TMPRSS6: variants seen among roughly 807,000 people sequenced by gnomAD.
The protein encoded by TMPRSS6 is transmembrane protease serine 6.
TMPRSS6 carries 67 observed loss-of-function variants against 101.5 expected under a neutral mutation model. The ratio of observed to expected loss-of-function variants is 0.66; its 90% CI spans 0.54 to 0.81. The LOEUF (loss-of-function observed/expected upper bound fraction) is 0.81, where lower values mean the gene tolerates loss of function less well. TMPRSS6 is among the 30% of genes least tolerant of loss of function. The pLI, the probability that TMPRSS6 is intolerant of heterozygous loss-of-function variation, is 0.00. For missense variants in TMPRSS6, 1,034 were observed against 1,088.7 expected, an observed-to-expected ratio of 0.95 and a Z score of 0.71; for synonymous variants, 453 against 464.9, an observed-to-expected ratio of 0.97 and a Z score of 0.33.
At chr22:37,086,209 G>T in intron 8 of TMPRSS6, 74 bp downstream of exon 8, 1 of 1,599,650 alleles carries the variant, frequency 6.3e-7, no homozygotes, top group African/African-American at 1.3e-5. Context: ...AAAAAGGTGA[G>T]CAGTGAGCCC....
chr22:37,079,508 T>C (rs995650254), intron 10 of TMPRSS6, among the ~76,000 whole-genome samples: 2 of 152,070 alleles, frequency 1.3e-5, no homozygotes, highest in Non-Finnish European at 2.9e-5. Context: ...CACACCCCCG[T>C]GCCCTTACCT....
chr22:37,093,552 A>G (rs1354883859), intron 6 of TMPRSS6, among the ~76,000 whole-genome samples: 1 of 149,560 alleles, frequency 6.7e-6, no homozygotes, highest in East Asian at 2.0e-4. Context: ...ACAGGTGCGC[A>G]CCACCATGCC....
chr22:37,086,579 T>C (rs1376894556), intron 7 of TMPRSS6, among the ~76,000 whole-genome samples, 160 bp from the exon 8 acceptor site: 1 of 151,910 alleles, frequency 6.6e-6, no homozygotes, highest in East Asian at 1.9e-4. Context: ...GTGGGGAGAA[T>C]TCTGTGTCTC....
chr22:37,096,736 A>G, intron 3 of TMPRSS6, 21 bp from the exon 4 acceptor site: 1 of 1,557,292 alleles, frequency 6.4e-7, no homozygotes, highest in Non-Finnish European at 8.7e-7. Context: ...GGAAGACAAC[A>G]GCCCCTGGGA....
At chr22:37,077,122 TC>T (rs1330091802) in intron 10 of TMPRSS6, among the ~76,000 whole-genome samples, 1 of 152,220 alleles carries the variant, frequency 6.6e-6, no homozygotes, top group African/African-American at 2.4e-5. Flanking sequence ...GGCTATGGCA[TC>T]ACAAGGCCTC....
Position 37,103,180 on chromosome 22 carries a change from C to A in TMPRSS6, c.202+36G>T, listed in dbSNP as rs1455145496. On this transcript the variant is annotated intron_variant, in intron 2 of 17. Coordinates refer to ENST00000676104, the MANE Select transcript of TMPRSS6 (RefSeq NM_001374504.1). This position sits in a 1 kb window ranked among gnomAD's most constrained non-coding sequence, Gnocchi z 4.4. ...CCTGCTACAGTCACCCCAAGTCCTC[C>A]CCAGGTGCCTCTCCCAGGCGGTCCC... is the stretch of plus-strand genomic sequence containing the variant. 1 of 1,610,298 alleles carries A rather than the reference C, an allele frequency of 6.2e-7. No homozygotes were observed. The highest frequency in any genetic ancestry group is 8.5e-7 in the Non-Finnish European group (1 of 1,177,586).
In TMPRSS6 at chr22:37,069,114, A is replaced by G. The variant is rs752954009; in HGVS notation, c.2072T>C (p.Leu691Pro). Reference protein sequence around the residue: ...PARSHFFEPGLHCWITGWGAL... With the variant: ...PARSHFFEPGPHCWITGWGAL... ...GCCCCAGCCCGTAATCCAGCAGTGC[A>G]GGCCGGGCTCGAAGAAGTGGGAGCG... Residue 691 changes from leucine to proline, a missense_variant, in exon 16 of 18, where the codon CTG becomes CCG. Transcript: ENST00000676104. The surrounding 1 kb of genome is among the most constrained non-coding windows in gnomAD (Gnocchi z 4.8). The G allele has an allele frequency of 8.3e-6, 13 of 1,560,024 alleles. No individual in the cohort carries two copies. The South Asian group carries it at 1.1e-4, about 13-fold the overall frequency.
intron 2 of TMPRSS6, among the ~76,000 whole-genome samples, chr22:37,098,765 G>A (rs947447777): frequency 2.0e-5 from 3 of 152,194 alleles, no homozygotes; most frequent in South Asian, 2.1e-4. Flanking sequence ...CAAGGTACCA[G>A]GGAGGTGAAA....
At chr22:37,078,946 AAG>A (rs1927971413) in intron 10 of TMPRSS6, among the ~76,000 whole-genome samples, 1 of 132,550 alleles carries the variant, frequency 7.5e-6, no homozygotes, top group African/African-American at 3.1e-5. Flanking sequence ...GGAGAAGGAG[AAG>A]GAGAAAAAGA....
intron 13 of TMPRSS6, among the ~76,000 whole-genome samples, chr22:37,072,796 TGATG>T (rs1301860217): frequency 2.1e-3 from 277 of 131,828 alleles, no homozygotes; most frequent in African/African-American, 6.0e-3. Context: ...GACGGATGGA[TGATG>T]GATGGATGGA....
intron 4 of TMPRSS6, 71 bp from the exon 5 acceptor site, chr22:37,096,161 T>G (rs2743825): frequency 0.42 from 652,344 of 1,560,782 alleles, 137,262 homozygotes; most frequent in African/African-American, 0.49. Context: ...CCCCTGCTCA[T>G]GCACATCGAG....
At chr22:37,073,096 G>A (rs1341329571) in intron 13 of TMPRSS6, among the ~76,000 whole-genome samples, 2 of 141,136 alleles carry the variant, frequency 1.4e-5, no homozygotes, top group African/African-American at 5.4e-5. Flanking sequence ...GACGGATGAT[G>A]GATGGATGGA....
At position 37,070,928 on chromosome 22, in the gene TMPRSS6, C is replaced by T. The variant is rs1274183096; in HGVS notation, c.1660G>A (p.Glu554Lys). 6.2e-7 allele frequency: 1 copy of T among 1,613,040 alleles called. No homozygotes were observed. The highest frequency in any genetic ancestry group is 8.5e-7 in the Non-Finnish European group (1 of 1,180,002). ...GRPDCRDGSD[E>K]EHCDCGLQGP... ...AGGCAGGGCTCACCACAGTGCTCCT[C>T]ATCCGAGCCGTCCCTGCAGTCGGGC... Residue 554 changes from glutamate to lysine, a missense_variant, in exon 14 of 18, where the codon GAG (glutamate) becomes AAG (lysine). Physicochemically the swap from Glu to Lys is moderately conservative, Grantham distance 56. Transcript: ENST00000676104.
intron 6 of TMPRSS6, among the ~76,000 whole-genome samples, chr22:37,092,842 C>T (rs1020416008): frequency 5.3e-5 from 8 of 152,248 alleles, no homozygotes; most frequent in Non-Finnish European, 2.9e-5. Flanking sequence ...CAGGATCCCC[C>T]AGTCAGGAGC....
intron 1 of TMPRSS6, among the ~76,000 whole-genome samples, chr22:37,104,520 C>T (rs1438215969): frequency 6.6e-6 from 1 of 152,224 alleles, no homozygotes; most frequent in Non-Finnish European, 1.5e-5. Flanking sequence ...CCCTTTCAAG[C>T]AAACATCCCA....
At chr22:37,095,784 T>TCTCCTGGGGGGCC in intron 5 of TMPRSS6, 122 bp downstream of exon 5, 4 of 1,368,634 alleles carry the variant, frequency 2.9e-6, no homozygotes, top group Non-Finnish European at 4.1e-6. Context: ...CCTGGGGGGC[T>TCTCCTGGGGGGCC]CTCCTGGGGG....
chr22:37,088,294 G>C (rs778133450), intron 7 of TMPRSS6, among the ~76,000 whole-genome samples: 1 of 152,186 alleles, frequency 6.6e-6, no homozygotes, highest in Admixed American at 6.5e-5. Context: ...GGAGAGAGCA[G>C]CTTGGAGAGG....
At chr22:37,110,012 C>T (rs1446753430), upstream of TMPRSS6, among the ~76,000 whole-genome samples, 6 of 151,908 alleles carry the variant, frequency 3.9e-5, no homozygotes, top group Non-Finnish European at 8.8e-5. Flanking sequence ...AGCTGCTGGC[C>T]TGAGAGAGAG....
chr22:37,083,353 T>A (rs1601542621), intron 10 of TMPRSS6, among the ~76,000 whole-genome samples: 1 of 152,116 alleles, frequency 6.6e-6, no homozygotes, highest in Admixed American at 6.6e-5. Flanking sequence ...GGCCTCCCTC[T>A]CCCCTTGCCC....
Sources: allele counts gnomAD v4.1 joint callset (sites outside exome capture counted in the v4.1 genomes callset), GRCh38; gene constraint gnomAD v4.1.1; non-coding constraint Gnocchi (gnomAD v3.1); transcripts MANE v1.5; gene names NCBI Gene and HGNC (gene_info 2026-07-23, HGNC 2026-07-21).